The following KLHL1 variants were observed in gnomAD, a reference collection of about 807,000 sequenced individuals.
KLHL1 encodes the protein kelch like family member 1.
KLHL1 carries 47 observed loss-of-function variants against 77.7 expected under a neutral mutation model. The ratio of observed to expected loss-of-function variants is 0.60; its 90% CI spans 0.48 to 0.77. The LOEUF is 0.77. KLHL1 is among the 30% of genes least tolerant of loss of function. The probability of loss-of-function intolerance (pLI) is 0.00; values close to 1 mark genes in which losing one functional copy is unlikely to be tolerated. For synonymous variants in KLHL1, 360 were observed against 325.2 expected, an observed-to-expected ratio of 1.11 and a Z score of -1.15; for missense variants, 925 against 910.8, an observed-to-expected ratio of 1.02 and a Z score of -0.20.
intron 8 of KLHL1, among the ~76,000 whole-genome samples, chr13:69,719,933 G>T (rs1872969376): frequency 6.6e-6 from 1 of 151,908 alleles, no homozygotes. Flanking sequence ...TAAAATATAA[G>T]ACAGTGAACA....
intron 3 of KLHL1, among the ~76,000 whole-genome samples, chr13:69,940,610 T>C (rs1182110045): frequency 2.0e-5 from 3 of 152,086 alleles, no homozygotes; most frequent in Non-Finnish European, 2.9e-5. Flanking sequence ...TATATGTGTA[T>C]ATGAATATAA....
chr13:69,729,069 C>T (rs1449979216), intron 8 of KLHL1, among the ~76,000 whole-genome samples: 3 of 152,130 alleles, frequency 2.0e-5, no homozygotes, highest in Non-Finnish European at 2.9e-5. Context: ...CAAGCCAAGA[C>T]AGCTACCAAA....
intron 7 of KLHL1, 104 bp downstream of exon 7, chr13:69,796,634 G>T: frequency 2.3e-6 from 2 of 876,078 alleles, no homozygotes. Flanking sequence ...TTCCTTTATC[G>T]CAACACAAAT....
intron 1 of KLHL1, among the ~76,000 whole-genome samples, chr13:69,999,222 T>G (rs1481729027): frequency 1.3e-5 from 2 of 152,054 alleles, no homozygotes; most frequent in African/African-American, 4.8e-5. Flanking sequence ...ATCTTTGTCA[T>G]GTTATATGGG....
At chr13:70,099,863 A>G (rs1264178462) in intron 1 of KLHL1, among the ~76,000 whole-genome samples, 2 of 152,028 alleles carry the variant, frequency 1.3e-5, no homozygotes, top group Non-Finnish European at 2.9e-5. Context: ...TCATTATATG[A>G]CTATTAACAA....
At position 69,962,580 on chromosome 13, in the gene KLHL1, A is replaced by G. The variant is rs375903420; in HGVS notation, c.681-1136T>C. Among the ~76,000 whole-genome samples, 65 of 152,196 alleles carry G rather than the reference A, an allele frequency of 4.3e-4. 1 individual carries two copies. In the South Asian group the frequency reaches 0.012, roughly 29 times the overall value. On this transcript the variant is annotated intron_variant, in intron 2 of 10. Transcript: ENST00000377844. ...GATGCCTGCTGAATATACTTGGAATATAAGCTTTACTAAGTCAGATAAACC... is the reference window on the plus strand; with the variant it reads ...GATGCCTGCTGAATATACTTGGAATGTAAGCTTTACTAAGTCAGATAAACC...
intron 4 of KLHL1, among the ~76,000 whole-genome samples, chr13:69,899,557 C>T (rs1469002469): frequency 2.0e-5 from 3 of 152,164 alleles, no homozygotes; most frequent in Non-Finnish European, 4.4e-5. Context: ...CTAGTCATAA[C>T]AGTTATACAA....
intron 7 of KLHL1, 105 bp downstream of exon 7, chr13:69,796,633 C>T (rs985970439): frequency 5.7e-6 from 5 of 870,114 alleles, no homozygotes; most frequent in Admixed American, 5.5e-5. Context: ...ATTCCTTTAT[C>T]GCAACACAAA....
chr13:69,880,009 T>G (rs1880926190), intron 5 of KLHL1, among the ~76,000 whole-genome samples: 1 of 152,182 alleles, frequency 6.6e-6, no homozygotes, highest in Non-Finnish European at 1.5e-5. Context: ...TAAAAGAACC[T>G]TCAAAATTGA....
chr13:69,967,071 T>C (rs932981085), intron 2 of KLHL1, among the ~76,000 whole-genome samples: 4 of 152,174 alleles, frequency 2.6e-5, no homozygotes, highest in African/African-American at 4.8e-5. Context: ...GCAATAAATA[T>C]ACAAGCACAG....
At position 70,022,701 on chromosome 13, in the gene KLHL1, G is replaced by A. The variant is rs116649468; in HGVS notation, c.498-46899C>T. ...GGAAATCAGTGGGCTACACGGTGAG[G>A]TTGGATGAATTTAGCAAAACATAGA... On this transcript the variant is annotated intron_variant, in intron 1 of 10. Coordinates refer to ENST00000377844, the MANE Select transcript of KLHL1 (RefSeq NM_020866.3). 9.3e-3 allele frequency among the ~76,000 whole-genome samples: 1,415 copies of A among 152,022 alleles called. 19 individuals carry two copies. The highest frequency in any genetic ancestry group is 0.032 in the African/African-American group (1,334 of 41,516).
chr13:69,960,719 C>T (rs565975951), intron 3 of KLHL1, among the ~76,000 whole-genome samples: 3 of 151,634 alleles, frequency 2.0e-5, no homozygotes, highest in African/African-American at 7.3e-5. Context: ...GAGTAACATT[C>T]AACAAATGTT....
intron 1 of KLHL1, among the ~76,000 whole-genome samples, chr13:70,072,731 C>G (rs901693322): frequency 1.3e-5 from 2 of 151,890 alleles, no homozygotes; most frequent in Non-Finnish European, 2.9e-5. Context: ...AAGCATGTGA[C>G]AAAATCTGTC....
Position 69,701,401 on chromosome 13 carries a change from G to T in KLHL1, c.*301C>A, listed in dbSNP as rs1875386033. On this transcript the variant is annotated 3_prime_UTR_variant, in exon 11 of 11. Transcript: ENST00000377844. ...CAAATATTGGTCTCTCCTTTCAACT[G>T]CTCAAGAAAAAACAAGCCTTTGGTA... 2 of 249,472 alleles carry T rather than the reference G, an allele frequency of 8.0e-6. No individual in the cohort carries two copies. The highest frequency in any genetic ancestry group is 4.6e-5 in the African/African-American group (2 of 43,776). The allele number at this position is 249,472 out of a possible 1,614,324, so 15.5% of individuals were successfully genotyped here. A position where few individuals can be genotyped will look rare whatever the true frequency, so the allele number is the denominator to read the frequency against.
At chr13:70,090,673 T>C (rs1049225070) in intron 1 of KLHL1, among the ~76,000 whole-genome samples, 2 of 151,952 alleles carry the variant, frequency 1.3e-5, no homozygotes, top group Non-Finnish European at 2.9e-5. Flanking sequence ...CTTTCTATTT[T>C]CTCCCAAGTC....
rs1019851101 is a variant in KLHL1, at chr13:69,830,251, A to C, written c.1414+8725T>G. On this transcript the variant is annotated intron_variant, in intron 6 of 10. Coordinates refer to ENST00000377844, the MANE Select transcript of KLHL1 (RefSeq NM_020866.3). ...CATAAATTTAAGGTAAATGAGTGGA[A>C]AAAGATATTCCATGCAAATGGACAC... 1.7e-4 allele frequency among the ~76,000 whole-genome samples: 25 copies of C among 150,302 alleles called. 1 individual carries two copies. Among genetic ancestry groups the C allele is most frequent in the Non-Finnish European group, 8.8e-5 (6 of 67,810 alleles).
intron 1 of KLHL1, among the ~76,000 whole-genome samples, chr13:70,053,754 G>T (rs1462318992): frequency 6.6e-6 from 1 of 152,034 alleles, no homozygotes. Context: ...TGAATAAAAT[G>T]ACCAGACTAA....
At chr13:69,862,496 A>G (rs1593897639) in intron 5 of KLHL1, among the ~76,000 whole-genome samples, 2 of 152,126 alleles carry the variant, frequency 1.3e-5, no homozygotes, top group East Asian at 1.9e-4. Flanking sequence ...TTGTCATTAA[A>G]TGTTCTTTAT....
chr13:69,896,714 G>A (rs995917776), intron 4 of KLHL1, among the ~76,000 whole-genome samples: 1 of 151,324 alleles, frequency 6.6e-6, no homozygotes, highest in Non-Finnish European at 1.5e-5. Context: ...TGTTGCCCAG[G>A]CTGGAGGGCA....
Sources: gnomAD v4.1 joint callset for allele counts (sites outside exome capture counted in the v4.1 genomes callset) on GRCh38, gnomAD v4.1.1 for gene constraint, MANE v1.5 for transcripts, NCBI Gene and HGNC (gene_info 2026-07-23, HGNC 2026-07-21) for gene names.